Variants in NCAM2 observed in about 807,000 individuals in gnomAD.
The protein encoded by NCAM2 is N-CAM-2.
A neutral mutation model predicts 98.1 loss-of-function variants in NCAM2; 30 were observed. The observed-to-expected ratio is 0.31, with a 90% CI of 0.23 to 0.41. The LOEUF (loss-of-function observed/expected upper bound fraction) is 0.41, where lower values mean the gene tolerates loss of function less well. NCAM2 is among the 10% of genes least tolerant of loss of function. The pLI is 1.00. For synonymous variants in NCAM2, 368 were observed against 342.4 expected (o/e 1.07, Z -0.83); for missense variants, 867 against 1,005.8 (o/e 0.86, Z 1.87).
At chr21:21,260,366 A>AACCAC (rs2071848812) in intron 1 of NCAM2, among the ~76,000 whole-genome samples, 1 of 152,124 alleles carries the variant, frequency 6.6e-6, no homozygotes, top group Admixed American at 6.6e-5. Flanking sequence ...TGCAAGTTAC[A>AACCAC]GTACAAGATG....
At chr21:21,533,731 T>C (rs1989836386) in intron 16 of NCAM2, among the ~76,000 whole-genome samples, 1 of 151,704 alleles carries the variant, frequency 6.6e-6, no homozygotes, top group South Asian at 2.1e-4. Flanking sequence ...CTTTACTCCT[T>C]GTCATCACCA....
intron 11 of NCAM2, among the ~76,000 whole-genome samples, chr21:21,420,279 A>T (rs1602287161): frequency 6.6e-6 from 1 of 152,108 alleles, no homozygotes; most frequent in South Asian, 2.1e-4. Flanking sequence ...TTAAAGATAT[A>T]GAAATAACAA....
Position 21,002,901 on chromosome 21 carries a change from T to C in NCAM2, c.55+4283T>C, listed in dbSNP as rs2064045410. On this transcript the variant is annotated intron_variant, in intron 1 of 17. Transcript: ENST00000400546. ...CTGAGGATAGGCCTATTTAAAAGAT[T>C]ATAAATTTGTTTTAATTTTCCAAAT... 2.0e-5 allele frequency among the ~76,000 whole-genome samples: 3 copies of C among 152,144 alleles called. No individual in the cohort carries two copies. The South Asian group carries it at 6.2e-4, about 32-fold the overall frequency.
intron 7 of NCAM2, among the ~76,000 whole-genome samples, chr21:21,336,497 A>G (rs1356626461): frequency 6.6e-6 from 1 of 152,020 alleles, no homozygotes; most frequent in African/African-American, 2.4e-5. Flanking sequence ...GCACACCAAC[A>G]TGGCACATGT....
At chr21:21,355,491 A>T (rs2147963293) in intron 8 of NCAM2, among the ~76,000 whole-genome samples, 1 of 147,552 alleles carries the variant, frequency 6.8e-6, no homozygotes, top group Non-Finnish European at 1.5e-5. Flanking sequence ...AAAGGAGAGA[A>T]AGAAAGAAAA....
intron 1 of NCAM2, among the ~76,000 whole-genome samples, chr21:21,236,388 T>C (rs2070824404): frequency 6.6e-6 from 1 of 152,118 alleles, no homozygotes; most frequent in African/African-American, 2.4e-5. Context: ...AAGAAAGTTA[T>C]GTTATCTTTT....
At chr21:21,138,234 G>T (rs1004700021) in intron 1 of NCAM2, among the ~76,000 whole-genome samples, 1 of 152,110 alleles carries the variant, frequency 6.6e-6, no homozygotes, top group Non-Finnish European at 1.5e-5. Flanking sequence ...GAAGAAAAAC[G>T]TCCTTACTAG....
chr21:21,482,659 A>T (rs1985993669), intron 15 of NCAM2, among the ~76,000 whole-genome samples: 1 of 151,834 alleles, frequency 6.6e-6, no homozygotes, highest in African/African-American at 2.4e-5. Flanking sequence ...TACTCCCTTT[A>T]CATTCATATA....
chr21:21,249,448 G>A (rs1392800828), intron 1 of NCAM2, among the ~76,000 whole-genome samples: 75 of 152,102 alleles, frequency 4.9e-4, no homozygotes, highest in Admixed American at 4.9e-3. Flanking sequence ...AACCAGGGCA[G>A]TTAGTTCGAG....
chr21:21,291,984 T>G, intron 4 of NCAM2, 120 bp from the exon 5 acceptor site: 1 of 858,980 alleles, frequency 1.2e-6, no homozygotes, highest in Non-Finnish European at 1.7e-6. Context: ...TGAATTTGTT[T>G]GCTGATGAAA....
At chr21:21,411,871 A>G (rs995480558) in intron 10 of NCAM2, among the ~76,000 whole-genome samples, 3 of 152,206 alleles carry the variant, frequency 2.0e-5, no homozygotes, top group Non-Finnish European at 2.9e-5. Context: ...TTAAACCGCT[A>G]TGTCTAAATC....
chr21:21,000,069 A>C (rs1194324187), intron 1 of NCAM2, among the ~76,000 whole-genome samples: 1 of 152,240 alleles, frequency 6.6e-6, no homozygotes, highest in Non-Finnish European at 1.5e-5. Flanking sequence ...AATTGCAGAT[A>C]TGTCCATCTG....
At chr21:21,194,170 C>T (rs118051524) in intron 1 of NCAM2, among the ~76,000 whole-genome samples, 1,850 of 152,206 alleles carry the variant, frequency 0.012, 30 homozygotes, top group Non-Finnish European at 0.021. Flanking sequence ...AGGACAAATT[C>T]TAAGCTTCAG....
intron 1 of NCAM2, among the ~76,000 whole-genome samples, chr21:21,048,355 A>T (rs901240728): frequency 6.6e-6 from 1 of 151,740 alleles, no homozygotes; most frequent in South Asian, 2.1e-4. Context: ...AACCAACCCG[A>T]TGTATTTTTT....
intron 13 of NCAM2, 102 bp downstream of exon 13, chr21:21,466,827 A>T: frequency 2.5e-6 from 3 of 1,184,556 alleles, no homozygotes; most frequent in Non-Finnish European, 3.5e-6. Flanking sequence ...CTTTTGAGAC[A>T]TGAATTATGT....
At chr21:21,373,732 T>C (rs1158251804) in intron 8 of NCAM2, 131 bp from the exon 9 acceptor site, 2 of 788,640 alleles carry the variant, frequency 2.5e-6, no homozygotes, top group Non-Finnish European at 3.7e-6. Context: ...AGAAATACTT[T>C]CTACATCAGG....
intron 1 of NCAM2, among the ~76,000 whole-genome samples, chr21:21,269,373 G>A (rs1485560095): frequency 3.3e-5 from 5 of 152,104 alleles, no homozygotes; most frequent in African/African-American, 1.2e-4. Context: ...CTACATCGCA[G>A]CACACTTCAT....
intron 1 of NCAM2, among the ~76,000 whole-genome samples, chr21:21,186,830 T>A (rs1569124080): frequency 6.6e-6 from 1 of 152,154 alleles, no homozygotes; most frequent in Non-Finnish European, 1.5e-5. Flanking sequence ...AGCTTCTGCC[T>A]AAAAACAAAA....
At chr21:21,419,084 G>A (rs1257254380) in intron 11 of NCAM2, among the ~76,000 whole-genome samples, 3 of 152,042 alleles carry the variant, frequency 2.0e-5, no homozygotes, top group Non-Finnish European at 4.4e-5. Flanking sequence ...AAAAGTGGGT[G>A]TCATGTAATT....
Sources: allele counts gnomAD v4.1 joint callset (sites outside exome capture counted in the v4.1 genomes callset), GRCh38; gene constraint gnomAD v4.1.1; transcripts MANE v1.5; gene names NCBI Gene and HGNC (gene_info 2026-07-23, HGNC 2026-07-21).